PPP2R2A: variants seen among roughly 807,000 people sequenced by gnomAD.
The protein encoded by PPP2R2A is serine/threonine-protein phosphatase 2A 55 kDa regulatory subunit B alpha isoform.
PPP2R2A carries 9 observed loss-of-function variants against 53.2 expected under a neutral mutation model. The observed-to-expected ratio is 0.17, with a 90% CI of 0.10 to 0.30. PPP2R2A has a LOEUF of 0.30. Among genes scored for constraint, PPP2R2A ranks in the 10% least tolerant of loss-of-function variants. PPP2R2A has a pLI of 1.00. For missense variants in PPP2R2A, 235 were observed against 534.6 expected (o/e 0.44, Z 5.53); for synonymous variants, 169 against 174.2 (o/e 0.97, Z 0.23).
intron 2 of PPP2R2A, among the ~76,000 whole-genome samples, chr8:26,300,544 C>G (rs901652144): frequency 6.6e-6 from 1 of 152,086 alleles, no homozygotes; most frequent in South Asian, 2.1e-4. Flanking sequence ...TAAGGTGCTT[C>G]CTCAGCAGAC....
At chr8:26,304,466 C>T (rs2117211152) in intron 2 of PPP2R2A, among the ~76,000 whole-genome samples, 1 of 152,212 alleles carries the variant, frequency 6.6e-6, no homozygotes, top group East Asian at 1.9e-4. Context: ...TAAAAATTTT[C>T]TAAAGATCCA....
chr8:26,293,388 G>C, intron 1 of PPP2R2A: 1 of 956,154 alleles, frequency 1.0e-6, no homozygotes, highest in Non-Finnish European at 1.6e-6. Context: ...CTGAATGTAA[G>C]GCTTTTACTG....
intron 2 of PPP2R2A, among the ~76,000 whole-genome samples, chr8:26,314,897 C>A (rs1031581504): frequency 2.0e-5 from 3 of 146,372 alleles, no homozygotes; most frequent in Admixed American, 6.7e-5. Context: ...TTCCCCCCCC[C>A]CCCCCCAACT....
intron 4 of PPP2R2A, among the ~76,000 whole-genome samples, chr8:26,355,126 T>G (rs1804705739): frequency 6.6e-6 from 1 of 152,246 alleles, no homozygotes; most frequent in Non-Finnish European, 1.5e-5. Flanking sequence ...TACAAAATAC[T>G]CAAAGGATGG....
At chr8:26,355,786 G>C (rs566840001) in intron 4 of PPP2R2A, among the ~76,000 whole-genome samples, 1 of 151,736 alleles carries the variant, frequency 6.6e-6, no homozygotes, top group Admixed American at 6.6e-5. Context: ...AGGAGAATGG[G>C]GTGAACCTGG....
intron 2 of PPP2R2A, among the ~76,000 whole-genome samples, chr8:26,337,669 C>T (rs1353437595): frequency 6.6e-6 from 1 of 152,256 alleles, no homozygotes; most frequent in South Asian, 2.1e-4. Context: ...AGGTAACCAC[C>T]GTGGTGTAGC....
chr8:26,355,868 C>CAAAAAAAAAAAAAAAAAAAAAA (rs35574078), intron 4 of PPP2R2A, among the ~76,000 whole-genome samples: 1 of 130,406 alleles, frequency 7.7e-6, no homozygotes, highest in South Asian at 2.4e-4. Flanking sequence ...AGACTCGTCT[C>CAAAAAAAAAAAAAAAAAAAAAA]AAAAAAAAAA....
At chr8:26,350,569 T>A (rs1204774899) in intron 3 of PPP2R2A, 1 of 151,452 alleles carries the variant, frequency 6.6e-6, no homozygotes. Flanking sequence ...CTTGACTAAT[T>A]TTTTTTTTCT....
chr8:26,363,971 T>G (rs1805243837), intron 8 of PPP2R2A, 81 bp downstream of exon 8: 1 of 1,296,232 alleles, frequency 7.7e-7, no homozygotes, highest in African/African-American at 1.5e-5. Flanking sequence ...TTACTAGGTT[T>G]TAATCCCTGT....
At chr8:26,319,291 A>G (rs1802715795) in intron 2 of PPP2R2A, among the ~76,000 whole-genome samples, 1 of 152,206 alleles carries the variant, frequency 6.6e-6, no homozygotes, top group South Asian at 2.1e-4. Flanking sequence ...TATCTGTTCA[A>G]GTCCCTGCTT....
chr8:26,303,711 TCAG>T (rs763218547), intron 2 of PPP2R2A, among the ~76,000 whole-genome samples: 32 of 152,294 alleles, frequency 2.1e-4, no homozygotes, highest in Non-Finnish European at 4.6e-4. Flanking sequence ...TTTGTAGACT[TCAG>T]CAGTTTTCTG....
chr8:26,297,092 G>A (rs958368801), intron 2 of PPP2R2A, among the ~76,000 whole-genome samples: 3 of 152,132 alleles, frequency 2.0e-5, no homozygotes, highest in East Asian at 1.9e-4. Flanking sequence ...CCAAAGGCAT[G>A]TAAAAACAGC....
At chr8:26,361,688 C>T (rs928783323) in intron 6 of PPP2R2A, among the ~76,000 whole-genome samples, 1 of 151,896 alleles carries the variant, frequency 6.6e-6, no homozygotes, top group African/African-American at 2.4e-5. Flanking sequence ...CACCTGGCTG[C>T]GGTGACTCAG....
At chr8:26,361,200 C>T (rs1334561105) in intron 6 of PPP2R2A, 49 bp downstream of exon 6, 1 of 1,477,386 alleles carries the variant, frequency 6.8e-7, no homozygotes, top group East Asian at 2.4e-5. Flanking sequence ...CATGTTGTGC[C>T]CATATTAGAT....
chr8:26,357,026 A>AT (rs371911133), intron 4 of PPP2R2A, among the ~76,000 whole-genome samples: 1 of 152,182 alleles, frequency 6.6e-6, no homozygotes, highest in African/African-American at 2.4e-5. Context: ...TGGGGGCTGC[A>AT]TTTTTTAATG....
intron 2 of PPP2R2A, among the ~76,000 whole-genome samples, chr8:26,324,131 C>G (rs1042367332): frequency 1.3e-5 from 2 of 152,190 alleles, no homozygotes; most frequent in African/African-American, 4.8e-5. Context: ...GCCTGGCATT[C>G]TGGAATGCTT....
At chr8:26,301,068 GTTAA>G (rs1801760976) in intron 2 of PPP2R2A, among the ~76,000 whole-genome samples, 1 of 152,136 alleles carries the variant, frequency 6.6e-6, no homozygotes. Context: ...TGGTGGGAAA[GTTAA>G]TTAACTGTAT....
At chr8:26,297,916 T>C (rs1801613123) in intron 2 of PPP2R2A, among the ~76,000 whole-genome samples, 1 of 152,244 alleles carries the variant, frequency 6.6e-6, no homozygotes, top group African/African-American at 2.4e-5. Context: ...TACATACTCT[T>C]TGATTCCACT....
At chr8:26,346,556 C>G (rs2117353663) in intron 3 of PPP2R2A, among the ~76,000 whole-genome samples, 1 of 152,312 alleles carries the variant, frequency 6.6e-6, no homozygotes, top group Non-Finnish European at 1.5e-5. Flanking sequence ...AAGTCTTATT[C>G]AAGGATGATG....
Sources: gnomAD v4.1 joint callset for allele counts (sites outside exome capture counted in the v4.1 genomes callset) on GRCh38, gnomAD v4.1.1 for gene constraint, MANE v1.5 for transcripts, NCBI Gene and HGNC (gene_info 2026-07-23, HGNC 2026-07-21) for gene names.